The following CASS4 variants were observed in gnomAD, a reference collection of about 807,000 sequenced individuals.
CASS4 encodes Cas scaffold protein family member 4, also known as cas scaffolding protein family member 4.
Under a neutral mutation model 54.2 loss-of-function variants are expected in CASS4, and 22 were observed. That is an observed-to-expected ratio of 0.41 (90% CI 0.29 to 0.58). The LOEUF is 0.58. Among genes scored for constraint, CASS4 ranks in the 20% least tolerant of loss-of-function variants. The pLI is 0.36. For missense variants in CASS4, 854 were observed against 986.7 expected (o/e 0.87, Z 1.80); for synonymous variants, 409 against 391.5 (o/e 1.04, Z -0.53).
intron 2 of CASS4, among the ~76,000 whole-genome samples, chr20:56,444,111 G>C (rs971308410): frequency 6.6e-6 from 1 of 152,138 alleles, no homozygotes; most frequent in African/African-American, 2.4e-5. Flanking sequence ...TGAATGGCGG[G>C]GTGGATTTTT....
chr20:56,440,870 A>C (rs1465608342), intron 2 of CASS4, among the ~76,000 whole-genome samples: 1 of 150,070 alleles, frequency 6.7e-6, no homozygotes, highest in Non-Finnish European at 1.5e-5. Flanking sequence ...CCACAGTAAA[A>C]CCCCCCAGGG....
chr20:56,421,194 C>T (rs1416594529), intron 1 of CASS4, among the ~76,000 whole-genome samples: 1 of 152,158 alleles, frequency 6.6e-6, no homozygotes, highest in Non-Finnish European at 1.5e-5. Flanking sequence ...AAGTGTGGTG[C>T]ACAGAACAGT....
chr20:56,458,687 C>T lies in CASS4; in HGVS notation c.2301C>T (p.Leu767=), dbSNP rs1175399054. ...TYPSPAALGH[L]QAEAEKLEQH... ...CCAGCCCTGCCGCGCTGGGGCACCTCCAGGCGGAGGCTGAGAAGCTGGAGC... is the reference window on the plus strand; with the variant it reads ...CCAGCCCTGCCGCGCTGGGGCACCTTCAGGCGGAGGCTGAGAAGCTGGAGC... The change falls in exon 6 of 6, where the codon CTC becomes CTT. Residue 767 remains leucine (L), a synonymous_variant. Transcript: ENST00000679887. The T allele has an allele frequency of 6.2e-7, 1 of 1,612,558 alleles. No homozygotes were observed.
At chr20:56,445,375 A>G (rs533002852) in intron 2 of CASS4, among the ~76,000 whole-genome samples, 8 of 152,268 alleles carry the variant, frequency 5.3e-5, no homozygotes, top group Non-Finnish European at 1.2e-4. Context: ...GTCCTTAGAC[A>G]GCTCTCAGAC....
At position 56,458,901 on chromosome 20, in the gene CASS4, A is replaced by C. The variant is rs2146303457; in HGVS notation, c.*154A>C. On this transcript the variant is annotated 3_prime_UTR_variant, in exon 6 of 6. Coordinates refer to ENST00000679887, the MANE Select transcript of CASS4 (RefSeq NM_020356.4). ...GCTGGTAGTACCAAGTGGCTAAGCA[A>C]CCCCAGGGCATTGACTTACCCCGCA... The C allele has an allele frequency of 1.1e-5, 8 of 718,944 alleles. No homozygotes were observed. In the East Asian group the frequency reaches 2.2e-4, roughly 20 times the overall value. The allele number at this position is 718,944 out of a possible 1,614,324, so 44.5% of individuals were successfully genotyped here. A position where few individuals can be genotyped will look rare whatever the true frequency, so the allele number is the denominator to read the frequency against.
rs1980032406 is a variant in CASS4 at position 56,433,913 on chromosome 20, G to T, written c.37-3251G>T. ...AGTTAAAAGTGGGTACAGCAGGGAG[G>T]TGACACATCCCCCGGGTTGCCTGCA... On this transcript the variant is annotated intron_variant, in intron 1 of 5. Transcript: ENST00000679887. 2.6e-5 allele frequency among the ~76,000 whole-genome samples: 4 copies of T among 152,304 alleles called. No homozygotes were observed. In the South Asian group the frequency reaches 8.3e-4, roughly 32 times the overall value.
At chr20:56,439,740 G>C (rs1600762351) in intron 2 of CASS4, among the ~76,000 whole-genome samples, 2 of 152,152 alleles carry the variant, frequency 1.3e-5, no homozygotes, top group East Asian at 3.9e-4. Context: ...AAGAATTAAA[G>C]TAAGGAAGGA....
At position 56,458,697 on chromosome 20, in the gene CASS4, G is replaced by A. The variant is rs925668731; in HGVS notation, c.2311G>A (p.Ala771Thr). Residue 771 changes from alanine (A) to threonine (T), a missense_variant, in exon 6 of 6, where the codon GCT (alanine) becomes ACT (threonine). Transcript: ENST00000679887. Reference protein sequence around the residue: ...PAALGHLQAEAEKLEQHTRQF... With the variant: ...PAALGHLQAETEKLEQHTRQF... ...CGCGCTGGGGCACCTCCAGGCGGAGGCTGAGAAGCTGGAGCAACACACGCG... is the reference window on the plus strand; with the variant it reads ...CGCGCTGGGGCACCTCCAGGCGGAGACTGAGAAGCTGGAGCAACACACGCG... 1.3e-5 allele frequency: 21 copies of A among 1,611,918 alleles called. No individual in the cohort carries two copies. The highest frequency in any genetic ancestry group is 5.0e-5 in the Admixed American group (3 of 59,906).
chr20:56,451,193 A>G (rs780161415), intron 4 of CASS4, among the ~76,000 whole-genome samples: 44 of 152,080 alleles, frequency 2.9e-4, no homozygotes, highest in Non-Finnish European at 5.6e-4. Flanking sequence ...CTCTGTTTTT[A>G]TGGGCTGGGA....
In CASS4 at chr20:56,437,690, A is replaced by T; in HGVS notation, c.459+104A>T. On this transcript the variant is annotated intron_variant, in intron 2 of 5. Coordinates refer to ENST00000679887, the MANE Select transcript of CASS4 (RefSeq NM_020356.4). This position sits in a 1 kb window ranked among gnomAD's most constrained non-coding sequence, Gnocchi z 4.7. ...GGTGTCCTTCAGATCAAACACGCAA[A>T]ACGGGAGCCCAGATTGCTGGCAATC... 1 of 1,077,792 alleles carries T rather than the reference A, an allele frequency of 9.3e-7. No individual in the cohort carries two copies. Among genetic ancestry groups the T allele is most frequent in the Non-Finnish European group, 1.3e-6 (1 of 774,538 alleles). The allele number at this position is 1,077,792 out of a possible 1,614,324, so 66.8% of individuals were successfully genotyped here.
chr20:56,432,355 C>CTTTTTTTTTT (rs922336949), intron 1 of CASS4, among the ~76,000 whole-genome samples: 1 of 101,064 alleles, frequency 9.9e-6, no homozygotes, highest in Non-Finnish European at 2.0e-5. Flanking sequence ...TTCATAAGTC[C>CTTTTTTTTTT]TTTTTTTTTT....
intron 1 of CASS4, among the ~76,000 whole-genome samples, chr20:56,419,302 G>A (rs577417602): frequency 1.3e-4 from 20 of 152,240 alleles, no homozygotes; most frequent in Admixed American, 1.0e-3. Context: ...CAAACATAAC[G>A]CCTATGAAGT....
intron 3 of CASS4, among the ~76,000 whole-genome samples, 184 bp downstream of exon 3, chr20:56,446,185 G>A (rs1980704308): frequency 6.6e-6 from 1 of 152,204 alleles, no homozygotes; most frequent in African/African-American, 2.4e-5. Flanking sequence ...GCCCAGTCCT[G>A]CTCTAGAAAA....
chr20:56,437,439 C>A lies in CASS4; in HGVS notation c.312C>A (p.Pro104=). 6.2e-7 allele frequency: 1 copy of A among 1,613,988 alleles called. No homozygotes were observed. Among genetic ancestry groups the A allele is most frequent in the South Asian group, 1.1e-5 (1 of 91,074 alleles). Residue 104 remains proline, a synonymous_variant, in exon 2 of 6, where the codon CCC becomes CCA. Coordinates refer to ENST00000679887, the MANE Select transcript of CASS4 (RefSeq NM_020356.4). The surrounding 1 kb of genome is among the most constrained non-coding windows in gnomAD (Gnocchi z 4.7). ...SEETYQVPTL[P]RPPTPGPVYE... Reference sequence around the variant, plus strand: ...AGACCTATCAGGTGCCCACTCTACCCCGCCCTCCCACTCCAGGCCCCGTTT... The same window carrying A: ...AGACCTATCAGGTGCCCACTCTACCACGCCCTCCCACTCCAGGCCCCGTTT...
chr20:56,453,436 G>A (rs1981138983), intron 5 of CASS4: 1 of 216,210 alleles, frequency 4.6e-6, no homozygotes, highest in Admixed American at 5.4e-5. Flanking sequence ...TATTATTTGA[G>A]TAGATTTTTA....
At chr20:56,429,236 G>A (rs979630830) in intron 1 of CASS4, among the ~76,000 whole-genome samples, 1 of 152,152 alleles carries the variant, frequency 6.6e-6, no homozygotes, top group Non-Finnish European at 1.5e-5. Context: ...AAGTGTGCGG[G>A]CCAGTTCCCT....
In CASS4 at chr20:56,451,799, T is replaced by A. The variant is rs1600773494; in HGVS notation, c.643-20T>A. The A allele has an allele frequency of 6.3e-7, 1 of 1,584,028 alleles. No individual in the cohort carries two copies. The highest frequency in any genetic ancestry group is 1.1e-5 in the South Asian group (1 of 89,006). On this transcript the variant is annotated intron_variant, in intron 4 of 5. Coordinates refer to ENST00000679887, the MANE Select transcript of CASS4 (RefSeq NM_020356.4). ...TTTGGAAAGCTACTAACCCGGCAAC[T>A]ATGTGTGGTTCTCCCACAGGGGCAG... is the stretch of plus-strand genomic sequence containing the variant.
rs766918491 is a variant in CASS4, at chr20:56,452,134, A to G, written c.958A>G (p.Thr320Ala). ...TTATGGCTTTCTTGTACCCAGAGGC[A>G]CATTTCCTTTGGATGAAGATGTCAG... ...PSYGFLVPRG[T>A]FPLDEDVSYK... Residue 320 changes from threonine to alanine, a missense_variant, in exon 5 of 6, where the codon ACA becomes GCA. Thr to Ala is a moderately conservative substitution (Grantham distance 58). Coordinates refer to ENST00000679887, the MANE Select transcript of CASS4 (RefSeq NM_020356.4). The G allele has an allele frequency of 5.7e-5, 92 of 1,614,088 alleles. No homozygotes were observed. The highest frequency in any genetic ancestry group is 7.8e-5 in the Non-Finnish European group (92 of 1,180,054).
rs923123298 is a variant in CASS4, at chr20:56,435,544, G to T, written c.37-1620G>T. The stretch of plus-strand genomic sequence containing the variant: ...ACTTTAAAACCTAAAGAAACAAGTT[G>T]CCTTCATGTAATTACAGTGGAAAGT... On this transcript the variant is annotated intron_variant, in intron 1 of 5. Coordinates refer to ENST00000679887, the MANE Select transcript of CASS4 (RefSeq NM_020356.4). 8.5e-5 allele frequency among the ~76,000 whole-genome samples: 13 copies of T among 152,146 alleles called. 1 individual carries two copies. The highest frequency in any genetic ancestry group is 5.9e-4 in the Admixed American group (9 of 15,268).
Sources: gnomAD v4.1 joint callset for allele counts (sites outside exome capture counted in the v4.1 genomes callset) on GRCh38, gnomAD v4.1.1 for gene constraint, Gnocchi (gnomAD v3.1) non-coding constraint, MANE v1.5 for transcripts, NCBI Gene and HGNC (gene_info 2026-07-23, HGNC 2026-07-21) for gene names.